SBF2: variants seen among roughly 807,000 people sequenced by gnomAD.
SBF2 encodes SET binding factor 2, also known as myotubularin-related protein 13.
In SBF2, 112 loss-of-function variants were observed where a neutral mutation model predicts 225.2. The observed-to-expected ratio is 0.50, with a 90% CI of 0.43 to 0.58. SBF2 has a LOEUF of 0.58. Ranked by LOEUF, SBF2 falls within the 20% of genes least tolerant of loss-of-function variation. SBF2 has a pLI of 0.00. For missense variants in SBF2, 1,996 were observed against 2,206.2 expected (o/e 0.90, Z 1.91); for synonymous variants, 763 against 773.3 (o/e 0.99, Z 0.22).
Position 9,790,898 on chromosome 11 carries a change from G to C in SBF2, c.4571-215C>G, listed in dbSNP as rs963262350. 11 of 441,098 alleles carry C rather than the reference G, an allele frequency of 2.5e-5. No homozygotes were observed. The East Asian group carries it at 4.5e-4, about 18-fold the overall frequency. 27.3% of individuals were successfully genotyped at this position (441,098 alleles called of 1,614,324 possible). A position where few individuals can be genotyped will look rare whatever the true frequency, so the allele number is the denominator to read the frequency against. ...ACAGATCCAGATGGAGGAAACATCT[G>C]ATAAAGTTTGCCTAAGCAGCCAGCA... On this transcript the variant is annotated intron_variant, in intron 33 of 39. Coordinates refer to ENST00000256190, the MANE Select transcript of SBF2 (RefSeq NM_030962.4).
chr11:9,882,908 TA>T (rs1363440394), intron 17 of SBF2, among the ~76,000 whole-genome samples: 1 of 152,138 alleles, frequency 6.6e-6, no homozygotes, highest in African/African-American at 2.4e-5. Flanking sequence ...AAATATCGTT[TA>T]ATTCACATTG....
At chr11:9,816,370 C>T (rs1209034010) in intron 29 of SBF2, among the ~76,000 whole-genome samples, 3 of 152,128 alleles carry the variant, frequency 2.0e-5, no homozygotes, top group Non-Finnish European at 4.4e-5. Flanking sequence ...CTCAGAAAAC[C>T]TAGACTTGGC....
chr11:10,151,642 T>A (rs111953731), intron 2 of SBF2, among the ~76,000 whole-genome samples: 44 of 152,332 alleles, frequency 2.9e-4, no homozygotes, highest in African/African-American at 1.0e-3. Flanking sequence ...TAAGAAACTT[T>A]TAGATTTAGA....
intron 6 of SBF2, among the ~76,000 whole-genome samples, chr11:10,018,608 A>C (rs1261685388): frequency 6.6e-6 from 1 of 152,144 alleles, no homozygotes; most frequent in African/African-American, 2.4e-5. Context: ...ATTAGCATCT[A>C]CGTGCCAAAA....
chr11:10,181,885 T>G (rs1956750179), intron 2 of SBF2, among the ~76,000 whole-genome samples: 1 of 152,174 alleles, frequency 6.6e-6, no homozygotes, highest in South Asian at 2.1e-4. Context: ...ACTAAAAAAC[T>G]TTTCTTCAAT....
At chr11:10,125,927 T>A (rs1953731469) in intron 2 of SBF2, among the ~76,000 whole-genome samples, 1 of 152,246 alleles carries the variant, frequency 6.6e-6, no homozygotes, top group Non-Finnish European at 1.5e-5. Flanking sequence ...ATGCCTAGAC[T>A]GTGTTACGGA....
intron 2 of SBF2, among the ~76,000 whole-genome samples, chr11:10,177,945 C>T (rs1314145439): frequency 2.7e-5 from 4 of 149,118 alleles, no homozygotes; most frequent in Non-Finnish European, 5.9e-5. Context: ...TCAAACTATA[C>T]TACAAGGCTA....
intron 16 of SBF2, among the ~76,000 whole-genome samples, chr11:9,936,496 A>AT (rs1340722904): frequency 6.6e-6 from 1 of 152,218 alleles, no homozygotes; most frequent in African/African-American, 2.4e-5. Context: ...ATAAAGACAC[A>AT]TGCACATGTA....
intron 1 of SBF2, among the ~76,000 whole-genome samples, chr11:10,261,656 C>T (rs938873196): frequency 2.6e-5 from 4 of 152,194 alleles, no homozygotes; most frequent in African/African-American, 9.7e-5. Context: ...AAAAACTACA[C>T]TCACAAAAAC....
Position 9,967,859 on chromosome 11 carries a change from G to A in SBF2, c.1600+482C>T, listed in dbSNP as rs1043777097. On this transcript the variant is annotated intron_variant, in intron 14 of 39. Transcript: ENST00000256190. ...GAACCCAGGAGGCAGAAGTTACGGT[G>A]AGCCGAGATCACACCATTGTACTCC... Among the ~76,000 whole-genome samples, 8 of 150,084 alleles carry A rather than the reference G, an allele frequency of 5.3e-5. 1 individual carries two copies. The highest frequency in any genetic ancestry group is 9.8e-5 in the African/African-American group (4 of 40,788).
At chr11:10,053,556 T>C (rs1442333719) in intron 2 of SBF2, among the ~76,000 whole-genome samples, 2 of 152,254 alleles carry the variant, frequency 1.3e-5, no homozygotes, top group East Asian at 1.9e-4. Context: ...CAGGGCAGTG[T>C]CAGATGTGTG....
At chr11:9,953,471 C>A (rs1390902642) in intron 16 of SBF2, among the ~76,000 whole-genome samples, 2 of 151,910 alleles carry the variant, frequency 1.3e-5, no homozygotes, top group Non-Finnish European at 2.9e-5. Flanking sequence ...GAAACTGTGG[C>A]AGATATATAT....
At chr11:10,194,037 A>C in intron 1 of SBF2, 50 bp from the exon 2 acceptor site, 1 of 1,124,802 alleles carries the variant, frequency 8.9e-7, no homozygotes, top group Non-Finnish European at 1.4e-6. Context: ...TAAAAACTAC[A>C]AATACTCATT....
chr11:9,981,757 A>G (rs1053346310), intron 13 of SBF2, among the ~76,000 whole-genome samples: 4 of 152,220 alleles, frequency 2.6e-5, no homozygotes, highest in African/African-American at 9.6e-5. Context: ...TGTTAGAACC[A>G]CAAATTAAAA....
At chr11:10,074,692 AC>A (rs1429447919) in intron 2 of SBF2, among the ~76,000 whole-genome samples, 1 of 152,228 alleles carries the variant, frequency 6.6e-6, no homozygotes, top group Non-Finnish European at 1.5e-5. Flanking sequence ...ACTAGGGAGA[AC>A]AGAGAAAATT....
chr11:9,780,733 G>C (rs571379561), intron 39 of SBF2: 28 of 572,602 alleles, frequency 4.9e-5, no homozygotes, highest in Non-Finnish European at 8.2e-5. Context: ...GCAGGAAAGG[G>C]AGACACACTG....
chr11:9,862,483 G>A (rs1024339751), intron 17 of SBF2, among the ~76,000 whole-genome samples: 2 of 152,216 alleles, frequency 1.3e-5, no homozygotes, highest in African/African-American at 4.8e-5. Context: ...ACTGTTCAGG[G>A]TCATATGGTA....
intron 2 of SBF2, among the ~76,000 whole-genome samples, chr11:10,104,311 A>C (rs190933828): frequency 1.3e-5 from 2 of 152,328 alleles, no homozygotes; most frequent in African/African-American, 2.4e-5. Flanking sequence ...AAGAAAAAGG[A>C]AACAGTACCA....
At chr11:10,211,082 T>C (rs1228330291) in intron 1 of SBF2, among the ~76,000 whole-genome samples, 1 of 150,038 alleles carries the variant, frequency 6.7e-6, no homozygotes, top group Non-Finnish European at 1.5e-5. Flanking sequence ...TACTTCCATT[T>C]TGCCCAATCC....
Sources: gnomAD v4.1 joint callset for allele counts (sites outside exome capture counted in the v4.1 genomes callset) on GRCh38, gnomAD v4.1.1 for gene constraint, MANE v1.5 for transcripts, NCBI Gene and HGNC (gene_info 2026-07-23, HGNC 2026-07-21) for gene names.